KHDC1: variants seen among roughly 807,000 people sequenced by gnomAD.
The protein encoded by KHDC1 is KH homology domain-containing protein 1.
KHDC1 carries 21 observed loss-of-function variants against 24.7 expected under a neutral mutation model. The ratio of observed to expected loss-of-function variants is 0.85; its 90% CI spans 0.60 to 1.23. KHDC1 has a LOEUF of 1.23. Ranked by LOEUF, KHDC1 falls within the 50% of genes most tolerant of loss-of-function variation. The probability of loss-of-function intolerance (pLI) is 0.00; values close to 1 mark genes in which losing one functional copy is unlikely to be tolerated. For synonymous variants in KHDC1, 98 were observed against 111.7 expected, an observed-to-expected ratio of 0.88 and a Z score of 0.77; for missense variants, 274 against 298.5, an observed-to-expected ratio of 0.92 and a Z score of 0.61.
At chr6:73,284,748 G>A (rs1247630522) in intron 2 of KHDC1, 1 of 152,042 alleles carries the variant, frequency 6.6e-6, no homozygotes, top group East Asian at 1.9e-4. Flanking sequence ...TGCTCTTAAA[G>A]CTGCCCTTTC....
At chr6:73,293,912 A>G (rs976415804) in intron 1 of KHDC1, among the ~76,000 whole-genome samples, 4 of 151,038 alleles carry the variant, frequency 2.6e-5, no homozygotes, top group African/African-American at 9.7e-5. Context: ...AGGCTGAGGC[A>G]GGAGAATCGC....
chr6:73,281,941 G>A lies in KHDC1; in HGVS notation c.206+10057C>T, dbSNP rs929452555. 2.6e-5 allele frequency among the ~76,000 whole-genome samples: 4 copies of A among 152,184 alleles called. No individual in the cohort carries two copies. The East Asian group carries it at 5.8e-4, about 22-fold the overall frequency. ...TATTTTAAGATGCCACTCTAGGCCA[G>A]GTCCGGTGGCTCACGCCTGTAATCC... On this transcript the variant is annotated intron_variant, in intron 2 of 4. Coordinates refer to ENST00000370384, the Ensembl canonical transcript of KHDC1.
intron 2 of KHDC1, among the ~76,000 whole-genome samples, chr6:73,257,704 G>A (rs1325117992): frequency 6.6e-6 from 1 of 151,914 alleles, no homozygotes; most frequent in Middle Eastern, 3.4e-3. Context: ...GCCCTTTTTG[G>A]TTCTTGATTA....
chr6:73,289,326 TC>T (rs1242271982), intron 2 of KHDC1, among the ~76,000 whole-genome samples: 3 of 65,016 alleles, frequency 4.6e-5, no homozygotes, highest in Non-Finnish European at 7.9e-5. Flanking sequence ...AGAGTGAGAC[TC>T]CATCTCAAAA....
chr6:73,306,911 A>G (rs1295557210), intron 1 of KHDC1, among the ~76,000 whole-genome samples: 2 of 152,068 alleles, frequency 1.3e-5, no homozygotes, highest in African/African-American at 4.8e-5. Flanking sequence ...CAGGAGACTG[A>G]GGCAGGAGAA....
At chr6:73,301,416 T>C (rs916158321) in intron 1 of KHDC1, 1 of 152,162 alleles carries the variant, frequency 6.6e-6, no homozygotes, top group African/African-American at 2.4e-5. Context: ...TCACTAATGA[T>C]TTCGAGAGCA....
chr6:73,267,807 A>G (rs1244235004), intron 2 of KHDC1, among the ~76,000 whole-genome samples: 2 of 152,064 alleles, frequency 1.3e-5, no homozygotes, highest in Non-Finnish European at 2.9e-5. Context: ...TAAACAAAAT[A>G]TGATTTAGAC....
intron 2 of KHDC1, among the ~76,000 whole-genome samples, chr6:73,248,204 G>C (rs1225775964): frequency 6.6e-6 from 1 of 152,156 alleles, no homozygotes; most frequent in Non-Finnish European, 1.5e-5. Flanking sequence ...GAGCCTGGGT[G>C]GACTATTGTG....
chr6:73,254,983 C>T (rs1002019510), intron 2 of KHDC1, among the ~76,000 whole-genome samples: 2 of 149,360 alleles, frequency 1.3e-5, no homozygotes, highest in South Asian at 2.1e-4. Flanking sequence ...GCTTGAGGAA[C>T]AAGAGCAAGA....
chr6:73,249,999 T>C (rs1048632102), intron 2 of KHDC1, among the ~76,000 whole-genome samples: 1 of 152,032 alleles, frequency 6.6e-6, no homozygotes, highest in African/African-American at 2.4e-5. Context: ...CCTACATGAG[T>C]TTCTCAAGAT....
intron 1 of KHDC1, among the ~76,000 whole-genome samples, chr6:73,295,301 A>G (rs1208414502): frequency 2.6e-5 from 4 of 152,176 alleles, no homozygotes; most frequent in Admixed American, 1.3e-4. Flanking sequence ...AGATGCCAGC[A>G]TCATGCTTCC....
chr6:73,276,381 G>C (rs780330073), intron 2 of KHDC1: 1 of 152,108 alleles, frequency 6.6e-6, no homozygotes, highest in Non-Finnish European at 1.5e-5. Context: ...CAGCTACTTC[G>C]GAGGCTGAGG....
intron 2 of KHDC1, among the ~76,000 whole-genome samples, chr6:73,282,321 A>G (rs1239119907): frequency 6.6e-6 from 1 of 151,912 alleles, no homozygotes; most frequent in Non-Finnish European, 1.5e-5. Flanking sequence ...AGTAAGCGCC[A>G]TTTTCATCAC....
chr6:73,290,534 T>A, intron 2 of KHDC1: 1 of 437,572 alleles, frequency 2.3e-6, no homozygotes, highest in Non-Finnish European at 4.5e-6. Context: ...TCTAACAAGA[T>A]CCAAAGTCCA....
chr6:73,260,113 T>C (rs1390939058), intron 2 of KHDC1, among the ~76,000 whole-genome samples: 2 of 152,186 alleles, frequency 1.3e-5, no homozygotes, highest in African/African-American at 2.4e-5. Context: ...CTTTCCTCAT[T>C]CCTACTTTAG....
intron 1 of KHDC1, among the ~76,000 whole-genome samples, chr6:73,304,489 C>CG (rs796134162): frequency 6.6e-6 from 1 of 151,962 alleles, no homozygotes. Flanking sequence ...GTAATAGAGG[C>CG]GGGGTCTCAC....
intron 2 of KHDC1, among the ~76,000 whole-genome samples, chr6:73,270,823 T>G (rs1012397132): frequency 8.4e-4 from 127 of 151,900 alleles, no homozygotes; most frequent in Non-Finnish European, 1.4e-3. Flanking sequence ...CCCGAGTAGC[T>G]GGGACTACAG....
chr6:73,300,099 C>G (rs1168891778), intron 1 of KHDC1: 1 of 152,550 alleles, frequency 6.6e-6, no homozygotes, highest in Admixed American at 6.5e-5. Flanking sequence ...CCTCACGCTT[C>G]CCATGAACTA....
At chr6:73,257,559 C>G (rs945612412) in intron 2 of KHDC1, among the ~76,000 whole-genome samples, 1 of 151,914 alleles carries the variant, frequency 6.6e-6, no homozygotes, top group African/African-American at 2.4e-5. Context: ...CTACCACACC[C>G]GGCTAATTTT....
Sources: allele counts gnomAD v4.1 joint callset (sites outside exome capture counted in the v4.1 genomes callset), GRCh38; gene constraint gnomAD v4.1.1; transcripts MANE v1.5; gene names NCBI Gene and HGNC (gene_info 2026-07-23, HGNC 2026-07-21).